The following RFX2 variants were observed in gnomAD, a reference collection of about 807,000 sequenced individuals.
RFX2 encodes regulatory factor X2.
A neutral mutation model predicts 87.8 loss-of-function variants in RFX2; 20 were observed. That is an observed-to-expected ratio of 0.23 (90% CI 0.16 to 0.33). RFX2 has a LOEUF of 0.33. Among genes scored for constraint, RFX2 ranks in the 10% least tolerant of loss-of-function variants. The probability of loss-of-function intolerance (pLI) is 1.00; values close to 1 mark genes in which losing one functional copy is unlikely to be tolerated. For synonymous variants in RFX2, 397 were observed against 431.3 expected (o/e 0.92, Z 0.98); for missense variants, 767 against 1,012.3 (o/e 0.76, Z 3.29).
At chr19:6,048,720 A>G (rs554447238) in intron 1 of RFX2, among the ~76,000 whole-genome samples, 1 of 152,224 alleles carries the variant, frequency 6.6e-6, no homozygotes, top group African/African-American at 2.4e-5. Flanking sequence ...TGAGTGAAAA[A>G]AATTTTAAGC....
intron 1 of RFX2, among the ~76,000 whole-genome samples, chr19:6,078,500 G>A (rs962286709): frequency 6.6e-5 from 10 of 152,070 alleles, no homozygotes; most frequent in Non-Finnish European, 8.8e-5. Flanking sequence ...AAGAGGTACC[G>A]TCTCCAAGAA....
chr19:6,019,581 C>G (rs1599858021), intron 6 of RFX2, among the ~76,000 whole-genome samples: 1 of 106,978 alleles, frequency 9.3e-6, no homozygotes, highest in African/African-American at 5.0e-5. Context: ...TTTTTAGAGA[C>G]AGGGATATAT....
chr19:6,072,757 GA>G (rs60827844), intron 1 of RFX2: 95 of 586,916 alleles, frequency 1.6e-4, no homozygotes, highest in East Asian at 6.3e-4. Context: ...AGAAAAAAGA[GA>G]AAAAAAAGGC....
chr19:6,046,174 G>T (rs1020116216), intron 2 of RFX2, among the ~76,000 whole-genome samples: 5 of 152,144 alleles, frequency 3.3e-5, no homozygotes, highest in African/African-American at 1.2e-4. Context: ...TTCATTCCAC[G>T]GTAGAAATCC....
chr19:6,105,478 C>T (rs918472925), intron 1 of RFX2, among the ~76,000 whole-genome samples: 8 of 152,014 alleles, frequency 5.3e-5, no homozygotes, highest in Non-Finnish European at 7.4e-5. Context: ...TTAGGCTTGG[C>T]GGGGAGTGGA....
intron 1 of RFX2, among the ~76,000 whole-genome samples, chr19:6,057,437 C>T (rs1017628717): frequency 6.6e-6 from 1 of 152,226 alleles, no homozygotes; most frequent in Non-Finnish European, 1.5e-5. Context: ...TGACTCACTG[C>T]GACCTTAAGC....
At chr19:6,053,848 C>A (rs1475514562) in intron 1 of RFX2, among the ~76,000 whole-genome samples, 2 of 149,232 alleles carry the variant, frequency 1.3e-5, no homozygotes, top group African/African-American at 5.0e-5. Flanking sequence ...TCCAGCTACT[C>A]AGGAGGCTGA....
rs1043060316 is a variant in RFX2, at chr19:6,016,248, A to G, written c.621T>C (p.Tyr207=). The G allele has an allele frequency of 2.5e-6, 4 of 1,608,608 alleles. No homozygotes were observed. The highest frequency in any genetic ancestry group is 3.4e-6 in the Non-Finnish European group (4 of 1,177,468). ...NSHLQWLLDN[Y]ETAEGVSLPR... ...GGAGACTCACACCTTCCGCTGTTTCATAATTATCCAACAGCCACTGGAGCT... is the reference window on the plus strand; with the variant it reads ...GGAGACTCACACCTTCCGCTGTTTCGTAATTATCCAACAGCCACTGGAGCT... The change falls in exon 7 of 18, where the codon TAT becomes TAC. Residue 207 remains tyrosine, a synonymous_variant. Transcript: ENST00000303657. The surrounding 1 kb of genome is among the most constrained non-coding windows in gnomAD (Gnocchi z 5.4).
chr19:6,038,054 C>T (rs192934093), intron 5 of RFX2, among the ~76,000 whole-genome samples: 8 of 152,082 alleles, frequency 5.3e-5, no homozygotes, highest in Non-Finnish European at 8.8e-5. Flanking sequence ...TGGTCAGGCG[C>T]GGTGGCTCAC....
At position 6,013,680 on chromosome 19, in the gene RFX2, G is replaced by A. The variant is rs915347222; in HGVS notation, c.780-575C>T. Reference sequence around the variant, plus strand: ...ACAGCTGGCGTGTGCCAACACACTCGGATGGTAGAAGTGATCCTCCTGCTG... The same window carrying A: ...ACAGCTGGCGTGTGCCAACACACTCAGATGGTAGAAGTGATCCTCCTGCTG... On this transcript the variant is annotated intron_variant, in intron 7 of 17. Transcript: ENST00000303657. The surrounding 1 kb of genome is among the most constrained non-coding windows in gnomAD (Gnocchi z 4.1). Among the ~76,000 whole-genome samples, 9 of 152,006 alleles carry A rather than the reference G, an allele frequency of 5.9e-5. No individual in the cohort carries two copies. Among genetic ancestry groups the A allele is most frequent in the African/African-American group, 1.9e-4 (8 of 41,380 alleles).
At chr19:6,102,895 C>T (rs761855300) in intron 1 of RFX2, among the ~76,000 whole-genome samples, 26 of 152,132 alleles carry the variant, frequency 1.7e-4, no homozygotes, top group Non-Finnish European at 3.1e-4. Context: ...GAGGCTGAGG[C>T]AGGAGGATTG....
chr19:6,102,170 T>C (rs10411815), intron 1 of RFX2, among the ~76,000 whole-genome samples: 37,676 of 152,064 alleles, frequency 0.25, 8,784 homozygotes, highest in African/African-American at 0.62. Context: ...TGCAGAACAC[T>C]ATTCTCAAGA....
chr19:6,079,961 G>A (rs2087755163), intron 1 of RFX2, among the ~76,000 whole-genome samples: 1 of 150,440 alleles, frequency 6.6e-6, no homozygotes, highest in Non-Finnish European at 1.5e-5. Context: ...ACGACTGTAT[G>A]TAGATTTAAA....
chr19:6,107,636 A>AAAAAAAAAAAAAAAAAAAAAAAAAAAAAC (rs2088239317), intron 1 of RFX2, among the ~76,000 whole-genome samples: 1 of 150,948 alleles, frequency 6.6e-6, no homozygotes, highest in Non-Finnish European at 1.5e-5. Flanking sequence ...AAAAAAAAAA[A>AAAAAAAAAAAAAAAAAAAAAAAAAAAAAC]AAAAAAAATC....
In RFX2 at chr19:6,044,379, T is replaced by G; in HGVS notation, c.91-97A>C. ...GATGCTGTTTGTCTGTTCATGTGCT[T>G]TTTATTAAAACATAGGCAGGACTGA... On this transcript the variant is annotated intron_variant, in intron 2 of 17. Coordinates refer to ENST00000303657, the MANE Select transcript of RFX2 (RefSeq NM_000635.4). The surrounding 1 kb of genome is among the most constrained non-coding windows in gnomAD (Gnocchi z 5.3). The G allele has an allele frequency of 2.4e-6, 2 of 819,958 alleles. No homozygotes were observed. Among genetic ancestry groups the G allele is most frequent in the Non-Finnish European group, 3.5e-6 (2 of 563,538 alleles). 50.8% of individuals were successfully genotyped at this position (819,958 alleles called of 1,614,324 possible).
In RFX2 at chr19:6,027,570, G is replaced by A. The variant is rs1356650061; in HGVS notation, c.523-1333C>T. Among the ~76,000 whole-genome samples the A allele has an allele frequency of 6.6e-6, 1 of 152,190 alleles. No individual in the cohort carries two copies. The highest frequency in any genetic ancestry group is 6.5e-5 in the Admixed American group (1 of 15,276). On this transcript the variant is annotated intron_variant, in intron 5 of 17. Transcript: ENST00000303657. The surrounding 1 kb of genome is among the most constrained non-coding windows in gnomAD (Gnocchi z 5.0). ...GGGACATCGCTCACCTATGGGTGCC[G>A]GGAGAGCAGAGTGCATGACCTCTGG...
intron 1 of RFX2, among the ~76,000 whole-genome samples, chr19:6,089,384 T>C (rs1230257146): frequency 6.6e-6 from 1 of 152,130 alleles, no homozygotes; most frequent in Non-Finnish European, 1.5e-5. Flanking sequence ...GCTGGAGCAA[T>C]GTCACAGGGA....
At position 6,084,639 on chromosome 19, in the gene RFX2, C is replaced by CTTTTTT. The variant is rs1189568545; in HGVS notation, c.-9+25753_-9+25754insAAAAAA. ...GATTTGTCCTTTTTTTTCTTTCTTT[C>CTTTTTT]TTTCTTTTTTTTGAGACAGAATCTC... On this transcript the variant is annotated intron_variant, in intron 1 of 17. Coordinates refer to ENST00000303657, the MANE Select transcript of RFX2 (RefSeq NM_000635.4). 3.8e-3 allele frequency among the ~76,000 whole-genome samples: 470 copies of CTTTTTT among 122,926 alleles called. 3 individuals are homozygous for CTTTTTT. Among genetic ancestry groups the CTTTTTT allele is most frequent in the African/African-American group, 0.021 (448 of 21,306 alleles). The allele number at this position is 122,926 out of a possible 152,430, so 80.6% of individuals were successfully genotyped here.
In RFX2 at chr19:6,007,585, C is replaced by A; in HGVS notation, c.1247+105G>T. On this transcript the variant is annotated intron_variant, in intron 11 of 17. Transcript: ENST00000303657. The surrounding 1 kb of genome is among the most constrained non-coding windows in gnomAD (Gnocchi z 8.2). ...GGGATGGAGGCAGAGGGGTCTGAAC[C>A]CTGATTCTTGGAGAGCTGAGGCTTT... 1.4e-6 allele frequency: 1 copy of A among 698,196 alleles called. No homozygotes were observed. The highest frequency in any genetic ancestry group is 2.5e-6 in the Non-Finnish European group (1 of 395,014). The allele number at this position is 698,196 out of a possible 1,614,324, so 43.3% of individuals were successfully genotyped here.
Sources: gnomAD v4.1 joint callset for allele counts (sites outside exome capture counted in the v4.1 genomes callset) on GRCh38, gnomAD v4.1.1 for gene constraint, Gnocchi (gnomAD v3.1) non-coding constraint, MANE v1.5 for transcripts, NCBI Gene and HGNC (gene_info 2026-07-23, HGNC 2026-07-21) for gene names.